ADD2: variants seen among roughly 807,000 people sequenced by gnomAD.
ADD2 encodes beta-adducin.
ADD2 carries 23 observed loss-of-function variants against 83.0 expected under a neutral mutation model. That is an observed-to-expected ratio of 0.28 (90% CI 0.20 to 0.39). ADD2 has a LOEUF of 0.39. Among genes scored for constraint, ADD2 ranks in the 10% least tolerant of loss-of-function variants. The pLI is 1.00. For synonymous variants in ADD2, 375 were observed against 375.4 expected, an observed-to-expected ratio of 1.00 and a Z score of 0.01; for missense variants, 758 against 944.9, an observed-to-expected ratio of 0.80 and a Z score of 2.59.
intron 11 of ADD2, 88 bp from the exon 12 acceptor site, chr2:70,677,965 C>T: frequency 1.3e-6 from 2 of 1,572,144 alleles, no homozygotes; most frequent in Non-Finnish European, 1.7e-6. Context: ...CTGGGCCCAA[C>T]ATCCTGCATG....
Position 70,663,251 on chromosome 2 carries a change from C to T in ADD2, c.*174G>A. The T allele has an allele frequency of 1.4e-6, 1 of 728,964 alleles. No individual in the cohort carries two copies. The highest frequency in any genetic ancestry group is 2.2e-6 in the Non-Finnish European group (1 of 451,916). 45.2% of individuals were successfully genotyped at this position (728,964 alleles called of 1,614,324 possible). On this transcript the variant is annotated 3_prime_UTR_variant, in exon 16 of 16. Transcript: ENST00000264436. ...TGACCTTGGGCAAGTCACCTGATTT[C>T]TCTTGGGCAACTGTAAAACGAAGGG...
intron 15 of ADD2, among the ~76,000 whole-genome samples, chr2:70,667,571 G>A (rs1214366855): frequency 1.1e-4 from 17 of 152,176 alleles, no homozygotes; most frequent in African/African-American, 3.9e-4. Flanking sequence ...TGCCCAGATA[G>A]TTGATAAAAC....
In ADD2 at chr2:70,683,708, C is replaced by T; in HGVS notation, c.1008G>A (p.Lys336=). ...VENLILLEQE[K]HRPHEVGSVQ... is the part of the protein sequence containing the mutation. ...CGGAGCCCACCTCATGGGGCCGGTG[C>T]TTCTCCTGCTCCAGGAGGATGAGGT... Residue 336 remains lysine, a synonymous_variant, in exon 10 of 16, where the codon AAG becomes AAA. Coordinates refer to ENST00000264436, the MANE Select transcript of ADD2 (RefSeq NM_001617.4). 6.2e-7 allele frequency: 1 copy of T among 1,614,172 alleles called. No individual in the cohort carries two copies. Among genetic ancestry groups the T allele is most frequent in the South Asian group, 1.1e-5 (1 of 91,082 alleles).
intron 4 of ADD2, among the ~76,000 whole-genome samples, chr2:70,699,313 CA>C (rs1488355991): frequency 6.6e-6 from 1 of 152,022 alleles, no homozygotes; most frequent in Non-Finnish European, 1.5e-5. Context: ...AAAAAACCTA[CA>C]ATTATATGCT....
intron 9 of ADD2, among the ~76,000 whole-genome samples, chr2:70,686,169 T>G (rs1158094166): frequency 6.6e-6 from 1 of 152,236 alleles, no homozygotes; most frequent in Non-Finnish European, 1.5e-5. Flanking sequence ...CTGCAGTCAC[T>G]GTTACCTAGG....
At chr2:70,713,483 T>C (rs1224024237) in intron 1 of ADD2, among the ~76,000 whole-genome samples, 4 of 152,012 alleles carry the variant, frequency 2.6e-5, no homozygotes, top group Admixed American at 6.6e-5. Context: ...TGGTGGTGGG[T>C]GCCTGTAGTC....
At chr2:70,692,333 A>C (rs1558536595) in intron 7 of ADD2, 70 bp downstream of exon 7, 5 of 1,440,024 alleles carry the variant, frequency 3.5e-6, no homozygotes, top group Non-Finnish European at 4.6e-6. Flanking sequence ...GACTGTTTTA[A>C]GTGACGAGAT....
chr2:70,690,421 A>T (rs1670968447), intron 8 of ADD2, among the ~76,000 whole-genome samples: 1 of 152,196 alleles, frequency 6.6e-6, no homozygotes, highest in South Asian at 2.1e-4. Context: ...ATGTTCAACC[A>T]CAGAAGAGTA....
chr2:70,724,068 G>A (rs573110435), intron 1 of ADD2, among the ~76,000 whole-genome samples: 3 of 152,332 alleles, frequency 2.0e-5, no homozygotes, highest in South Asian at 2.1e-4. Flanking sequence ...TCCACCTAAC[G>A]ACCTTCTTGG....
intron 4 of ADD2, among the ~76,000 whole-genome samples, chr2:70,699,320 A>T (rs1553373200): frequency 6.6e-6 from 1 of 152,190 alleles, no homozygotes; most frequent in African/African-American, 2.4e-5. Context: ...CTACAATTAT[A>T]TGCTTCCTGG....
chr2:70,737,740 T>A (rs7604654), intron 1 of ADD2, among the ~76,000 whole-genome samples: 51,958 of 151,890 alleles, frequency 0.34, 8,953 homozygotes, highest in Middle Eastern at 0.41. Context: ...TAAATAAATT[T>A]AAAAAAGAGG....
intron 1 of ADD2, among the ~76,000 whole-genome samples, chr2:70,763,219 G>A (rs191179554): frequency 3.3e-5 from 5 of 151,992 alleles, no homozygotes; most frequent in East Asian, 1.9e-4. Flanking sequence ...AAGACAGACC[G>A]GGATGAAATC....
intron 1 of ADD2, among the ~76,000 whole-genome samples, chr2:70,750,608 A>G (rs1156429389): frequency 6.6e-6 from 1 of 152,156 alleles, no homozygotes; most frequent in Non-Finnish European, 1.5e-5. Flanking sequence ...AATTACTGCC[A>G]CCCTCCAAAG....
Position 70,663,216 on chromosome 2 carries a change from A to T in ADD2, c.*209T>A, listed in dbSNP as rs373701880. 9.8e-5 allele frequency: 57 copies of T among 579,816 alleles called. No homozygotes were observed. Among genetic ancestry groups the T allele is most frequent in the East Asian group, 9.2e-4 (31 of 33,700 alleles). The allele number at this position is 579,816 out of a possible 1,614,324, so 35.9% of individuals were successfully genotyped here. A position where few individuals can be genotyped will look rare whatever the true frequency, so the allele number is the denominator to read the frequency against. On this transcript the variant is annotated 3_prime_UTR_variant, in exon 16 of 16. Transcript: ENST00000264436. ...AATTCGAGTGCAGGCTCTGCCGCTAACTAGCTGTGTGACCTTGGGCAAGTC... is the reference window on the plus strand; with the variant it reads ...AATTCGAGTGCAGGCTCTGCCGCTATCTAGCTGTGTGACCTTGGGCAAGTC...
At chr2:70,729,356 T>C (rs1673166543) in intron 1 of ADD2, among the ~76,000 whole-genome samples, 1 of 152,150 alleles carries the variant, frequency 6.6e-6, no homozygotes, top group African/African-American at 2.4e-5. Context: ...CCAAGCCTTG[T>C]TTGTTGGTTG....
At chr2:70,745,473 T>C (rs1283748092) in intron 1 of ADD2, among the ~76,000 whole-genome samples, 6 of 152,120 alleles carry the variant, frequency 3.9e-5, no homozygotes, top group Non-Finnish European at 2.9e-5. Flanking sequence ...AGTGTGAACA[T>C]TGTACTTAGA....
At chr2:70,767,750 A>C (rs1553386422) in intron 1 of ADD2, 136 bp downstream of exon 1, 9 of 1,449,596 alleles carry the variant, frequency 6.2e-6, no homozygotes, top group Non-Finnish European at 8.1e-6. Flanking sequence ...CCAGGGCTGC[A>C]GCACCGACGC....
intron 15 of ADD2, among the ~76,000 whole-genome samples, chr2:70,671,311 G>A (rs1669882796): frequency 6.6e-6 from 1 of 152,098 alleles, no homozygotes; most frequent in Non-Finnish European, 1.5e-5. Context: ...TGTTGCTTCT[G>A]GGCGTGTGTG....
intron 1 of ADD2, among the ~76,000 whole-genome samples, chr2:70,753,848 TG>T (rs1674639650): frequency 6.6e-6 from 1 of 152,220 alleles, no homozygotes; most frequent in African/African-American, 2.4e-5. Context: ...TCCTCCAAAA[TG>T]TCCTCATGTT....
Sources: allele counts gnomAD v4.1 joint callset (sites outside exome capture counted in the v4.1 genomes callset), GRCh38; gene constraint gnomAD v4.1.1; transcripts MANE v1.5; gene names NCBI Gene and HGNC (gene_info 2026-07-23, HGNC 2026-07-21).